Variants in SMAD2 observed in about 807,000 individuals in gnomAD.
The protein encoded by SMAD2 is SMAD family member 2, also known as MAD homolog 2.
Under a neutral mutation model 64.4 loss-of-function variants are expected in SMAD2, and 8 were observed. The observed-to-expected ratio is 0.12, with a 90% CI of 0.07 to 0.22. The LOEUF is 0.22. SMAD2 is among the 10% of genes least tolerant of loss of function. SMAD2 has a pLI of 1.00. For missense variants in SMAD2, 289 were observed against 561.2 expected, an observed-to-expected ratio of 0.51 and a Z score of 4.90; for synonymous variants, 203 against 195.8, an observed-to-expected ratio of 1.04 and a Z score of -0.31.
Position 47,845,502 on chromosome 18 carries a change from A to G in SMAD2, c.1136-18T>C. 6.2e-7 allele frequency: 1 copy of G among 1,610,932 alleles called. No homozygotes were observed. The highest frequency in any genetic ancestry group is 8.5e-7 in the Non-Finnish European group (1 of 1,177,182). On this transcript the variant is annotated intron_variant, in intron 9 of 10. Transcript: ENST00000262160. ...ATTACAGCCTATGATTAAAAAAGGT[A>G]AAAGAAATTGTCAAAAGAGTATCAT...
rs575001881 is a variant in SMAD2, at chr18:47,854,353, A to G, written c.731-3026T>C. Among the ~76,000 whole-genome samples, 104 of 152,358 alleles carry G rather than the reference A, an allele frequency of 6.8e-4. 1 individual carries two copies. Among genetic ancestry groups the G allele is most frequent in the African/African-American group, 2.4e-3 (101 of 41,598 alleles). On this transcript the variant is annotated intron_variant, in intron 6 of 10. Transcript: ENST00000262160. ...TTTGACAAATTAACAAATGTCAAATAAAATGTGTTAAACTTTTATAAGTGC... is the reference window on the plus strand; with the variant it reads ...TTTGACAAATTAACAAATGTCAAATGAAATGTGTTAAACTTTTATAAGTGC...
At chr18:47,879,529 G>GTGTGTGTGTGTGTGTGT (rs1555653732) in intron 2 of SMAD2, among the ~76,000 whole-genome samples, 2 of 56,920 alleles carry the variant, frequency 3.5e-5, no homozygotes, top group South Asian at 7.4e-4. Flanking sequence ...TGTGTGTGTG[G>GTGTGTGTGTGTGTGTGT]AGTCGTTTTC....
At position 47,838,797 on chromosome 18, in the gene SMAD2, G is replaced by A. The variant is rs1172857477; in HGVS notation, c.*3030C>T. The A allele has an allele frequency of 8.6e-6, 2 of 232,576 alleles. No homozygotes were observed. Among genetic ancestry groups the A allele is most frequent in the African/African-American group, 4.4e-5 (2 of 45,264 alleles). The allele number at this position is 232,576 out of a possible 1,614,324, so 14.4% of individuals were successfully genotyped here. A position where few individuals can be genotyped will look rare whatever the true frequency, so the allele number is the denominator to read the frequency against. ...AGCCTCCCCTAAGCCAGCCCCCAAG[G>A]TGTCTCTGTGGAACCTACTGGAAAA... On this transcript the variant is annotated 3_prime_UTR_variant, in exon 11 of 11. Transcript: ENST00000262160.
intron 2 of SMAD2, among the ~76,000 whole-genome samples, chr18:47,888,032 T>C (rs2033000265): frequency 6.6e-6 from 1 of 152,170 alleles, no homozygotes; most frequent in Non-Finnish European, 1.5e-5. Flanking sequence ...CACCTCAATT[T>C]TGAATGCAGG....
chr18:47,914,808 A>G (rs1196804606), intron 1 of SMAD2, among the ~76,000 whole-genome samples: 1 of 152,166 alleles, frequency 6.6e-6, no homozygotes, highest in African/African-American at 2.4e-5. Flanking sequence ...TCAGATGTGT[A>G]GTATTGCTGG....
At chr18:47,917,219 C>T (rs1302149850) in intron 1 of SMAD2, among the ~76,000 whole-genome samples, 2 of 152,106 alleles carry the variant, frequency 1.3e-5, no homozygotes, top group African/African-American at 4.8e-5. Context: ...TAAATCTACC[C>T]TTTCATAAAT....
intron 6 of SMAD2, among the ~76,000 whole-genome samples, chr18:47,858,974 A>G (rs2144344037): frequency 6.6e-6 from 1 of 152,276 alleles, no homozygotes; most frequent in African/African-American, 2.4e-5. Flanking sequence ...AAATTGTTAG[A>G]TTAAATAAAA....
chr18:47,854,649 TA>T (rs1491291927), intron 6 of SMAD2, among the ~76,000 whole-genome samples: 1 of 145,148 alleles, frequency 6.9e-6, no homozygotes, highest in African/African-American at 2.5e-5. Flanking sequence ...GGTTTTTTTT[TA>T]AAAAAAATCT....
At position 47,930,643 on chromosome 18, in the gene SMAD2, G is replaced by T. The variant is rs1279982009; in HGVS notation, c.-336C>A. The stretch of plus-strand genomic sequence containing the variant: ...CTGGCCGCCGCCCGCGGGGAAGGAG[G>T]GGGTGAGGACGCGCGCGCCCGCGCT... On this transcript the variant is annotated 5_prime_UTR_variant, in exon 1 of 11. Coordinates refer to ENST00000262160, the MANE Select transcript of SMAD2 (RefSeq NM_005901.6). The T allele has an allele frequency of 6.7e-6, 1 of 149,940 alleles. No homozygotes were observed. Among genetic ancestry groups the T allele is most frequent in the Non-Finnish European group, 1.5e-5 (1 of 67,422 alleles). The allele number at this position is 149,940 out of a possible 1,614,324, so 9.3% of individuals were successfully genotyped here.
intron 6 of SMAD2, among the ~76,000 whole-genome samples, chr18:47,853,871 C>T (rs1281671191): frequency 6.6e-6 from 1 of 152,026 alleles, no homozygotes; most frequent in Non-Finnish European, 1.5e-5. Flanking sequence ...TTTCCTGAAA[C>T]CAACATAAAA....
rs148091606 is a variant in SMAD2, at chr18:47,919,836, C to T, written c.-54+10525G>A. ...AGATTTCTGATTCCAAAGATTACAA[C>T]GCAAAAGAAAAAAATTTTGCCTAAG... is the stretch of plus-strand genomic sequence containing the variant. On this transcript the variant is annotated intron_variant, in intron 1 of 10. Coordinates refer to ENST00000262160, the MANE Select transcript of SMAD2 (RefSeq NM_005901.6). 6.0e-3 allele frequency among the ~76,000 whole-genome samples: 915 copies of T among 152,128 alleles called. 4 individuals carry two copies. The highest frequency in any genetic ancestry group is 0.021 in the African/African-American group (855 of 41,504).
In SMAD2 at chr18:47,840,840, C is replaced by T. The variant is rs1230811009; in HGVS notation, c.*987G>A. On this transcript the variant is annotated 3_prime_UTR_variant, in exon 11 of 11. Coordinates refer to ENST00000262160, the MANE Select transcript of SMAD2 (RefSeq NM_005901.6). ...GATAAATATGTGGAAGTAATTCTAG[C>T]ATATCCCTGAAAATAATTATACTGC... 1 of 231,766 alleles carries T rather than the reference C, an allele frequency of 4.3e-6. No individual in the cohort carries two copies. The highest frequency in any genetic ancestry group is 8.5e-6 in the Non-Finnish European group (1 of 117,218). The allele number at this position is 231,766 out of a possible 1,614,324, so 14.4% of individuals were successfully genotyped here.
chr18:47,893,467 A>G (rs2033301900), intron 2 of SMAD2, among the ~76,000 whole-genome samples: 1 of 152,186 alleles, frequency 6.6e-6, no homozygotes, highest in South Asian at 2.1e-4. Flanking sequence ...ACTTAGTTGT[A>G]TTTTTTGGCT....
intron 2 of SMAD2, among the ~76,000 whole-genome samples, chr18:47,885,019 A>G (rs2032807810): frequency 6.6e-6 from 1 of 152,192 alleles, no homozygotes; most frequent in Non-Finnish European, 1.5e-5. Context: ...GAAGTATTTC[A>G]AGCCCTTCCA....
At chr18:47,899,117 CAT>C (rs1458578804) in intron 1 of SMAD2, among the ~76,000 whole-genome samples, 1 of 152,006 alleles carries the variant, frequency 6.6e-6, no homozygotes, top group Non-Finnish European at 1.5e-5. Context: ...CTATTAGGGA[CAT>C]AGAAGGAACA....
chr18:47,924,706 GC>G (rs2034695212), intron 1 of SMAD2, among the ~76,000 whole-genome samples: 1 of 151,900 alleles, frequency 6.6e-6, no homozygotes, highest in African/African-American at 2.4e-5. Flanking sequence ...AAAGTGATCC[GC>G]CCGCCTCAGC....
intron 2 of SMAD2, among the ~76,000 whole-genome samples, chr18:47,882,035 G>A (rs1204467859): frequency 1.4e-5 from 1 of 72,196 alleles, no homozygotes; most frequent in Non-Finnish European, 2.7e-5. Flanking sequence ...GTACTACCAC[G>A]CTTGGCTTTT....
chr18:47,851,163 T>G, intron 7 of SMAD2, 111 bp downstream of exon 7: 1 of 770,576 alleles, frequency 1.3e-6, no homozygotes, highest in Non-Finnish European at 2.3e-6. Context: ...ATTTGGCTAT[T>G]CATTAGGATC....
At chr18:47,909,075 A>G (rs1372562906) in intron 1 of SMAD2, among the ~76,000 whole-genome samples, 1 of 152,188 alleles carries the variant, frequency 6.6e-6, no homozygotes, top group Non-Finnish European at 1.5e-5. Flanking sequence ...AGCTAAAAAA[A>G]AAAAAAAAAG....
Sources: allele counts gnomAD v4.1 joint callset (sites outside exome capture counted in the v4.1 genomes callset), GRCh38; gene constraint gnomAD v4.1.1; transcripts MANE v1.5; gene names NCBI Gene and HGNC (gene_info 2026-07-23, HGNC 2026-07-21).